CCDC171: variants seen among roughly 807,000 people sequenced by gnomAD.
CCDC171 encodes coiled-coil domain-containing protein 171.
Under a neutral mutation model 168.2 loss-of-function variants are expected in CCDC171, and 177 were observed. That is an observed-to-expected ratio of 1.05 (90% CI 0.93 to 1.19). The LOEUF is 1.19. Ranked by LOEUF, CCDC171 falls within the 50% of genes most tolerant of loss-of-function variation. The pLI, the probability that CCDC171 is intolerant of heterozygous loss-of-function variation, is 0.00. For missense variants in CCDC171, 1,991 were observed against 1,539.0 expected, an observed-to-expected ratio of 1.29 and a Z score of -4.91; for synonymous variants, 687 against 540.8, an observed-to-expected ratio of 1.27 and a Z score of -3.75.
At chr9:15,717,445 T>G (rs1214914846) in intron 11 of CCDC171, among the ~76,000 whole-genome samples, 2 of 152,170 alleles carry the variant, frequency 1.3e-5, no homozygotes, top group Non-Finnish European at 2.9e-5. Flanking sequence ...CCTAGTGCTG[T>G]GCTGGGCTCG....
intron 21 of CCDC171, among the ~76,000 whole-genome samples, chr9:15,800,522 A>G (rs2058772156): frequency 6.6e-6 from 1 of 152,152 alleles, no homozygotes; most frequent in South Asian, 2.1e-4. Flanking sequence ...ATCCCTTGTC[A>G]GATGGACAGT....
At chr9:15,578,429 TA>T in intron 3 of CCDC171, among the ~76,000 whole-genome samples, 3 of 145,850 alleles carry the variant, frequency 2.1e-5, no homozygotes, top group Non-Finnish European at 3.0e-5. Flanking sequence ...TTATTATTAT[TA>T]TTATTATTAT....
chr9:16,037,843 C>T (rs187186731), upstream of CCDC171, among the ~76,000 whole-genome samples: 2 of 151,376 alleles, frequency 1.3e-5, no homozygotes, highest in Non-Finnish European at 2.9e-5. Flanking sequence ...TGAGAATAAG[C>T]GTTTAGAAGT....
chr9:15,870,667 T>C (rs10738417), intron 23 of CCDC171, among the ~76,000 whole-genome samples: 54,577 of 151,512 alleles, frequency 0.36, 12,275 homozygotes, highest in East Asian at 0.62. Context: ...GTGTGTGTTT[T>C]TTTTTTAATT....
At chr9:15,771,303 T>G (rs1011017986) in intron 18 of CCDC171, among the ~76,000 whole-genome samples, 1 of 152,220 alleles carries the variant, frequency 6.6e-6, no homozygotes, top group Non-Finnish European at 1.5e-5. Context: ...TGTTCTTTCA[T>G]GAACAGTGTT....
chr9:15,961,106 T>C (rs1830291334), intron 25 of CCDC171, among the ~76,000 whole-genome samples: 1 of 152,122 alleles, frequency 6.6e-6, no homozygotes, highest in African/African-American at 2.4e-5. Flanking sequence ...GTTAGAAAGG[T>C]TTAGGAAAGT....
At chr9:15,835,965 A>C (rs1267308018) in intron 21 of CCDC171, among the ~76,000 whole-genome samples, 2 of 152,108 alleles carry the variant, frequency 1.3e-5, no homozygotes, top group East Asian at 3.9e-4. Context: ...TTAATTATTA[A>C]ATTATTTTTC....
chr9:15,989,827 A>G (rs944142743), intron 3 of CCDC171, among the ~76,000 whole-genome samples: 1 of 152,180 alleles, frequency 6.6e-6, no homozygotes, highest in African/African-American at 2.4e-5. Flanking sequence ...AAAGGGTATC[A>G]GTGATTGAAG....
intron 21 of CCDC171, among the ~76,000 whole-genome samples, chr9:15,801,334 T>G (rs2058811079): frequency 6.6e-6 from 1 of 152,092 alleles, no homozygotes; most frequent in South Asian, 2.1e-4. Context: ...TTAACTTATT[T>G]GGTTAAGTTA....
chr9:15,687,981 A>G (rs1254343774), intron 10 of CCDC171, among the ~76,000 whole-genome samples: 2 of 151,762 alleles, frequency 1.3e-5, no homozygotes, highest in Non-Finnish European at 2.9e-5. Context: ...TAGCTGGGCA[A>G]GGTGGCGCAT....
At chr9:16,029,210 T>G (rs1833327372) in intron 6 of CCDC171, among the ~76,000 whole-genome samples, 1 of 152,212 alleles carries the variant, frequency 6.6e-6, no homozygotes, top group South Asian at 2.1e-4. Flanking sequence ...GATTTGGGCT[T>G]GTTTTACTTA....
intron 21 of CCDC171, among the ~76,000 whole-genome samples, chr9:15,836,485 C>T (rs2060455866): frequency 1.3e-5 from 2 of 152,192 alleles, no homozygotes. Context: ...CCTGCCTCAG[C>T]CTCCCGAGTA....
intron 25 of CCDC171, among the ~76,000 whole-genome samples, chr9:15,966,166 T>C (rs555699233): frequency 1.3e-5 from 2 of 152,226 alleles, no homozygotes; most frequent in South Asian, 2.1e-4. Flanking sequence ...CATGAAGGAA[T>C]GTAAAAATGA....
intron 10 of CCDC171, among the ~76,000 whole-genome samples, chr9:15,683,305 T>G (rs1442727796): frequency 6.6e-6 from 1 of 152,056 alleles, no homozygotes; most frequent in Non-Finnish European, 1.5e-5. Flanking sequence ...AATATGATTT[T>G]GGAAAGTGCT....
At chr9:15,722,066 T>G (rs893364243) in intron 12 of CCDC171, among the ~76,000 whole-genome samples, 191 bp downstream of exon 12, 1 of 152,232 alleles carries the variant, frequency 6.6e-6, no homozygotes, top group Non-Finnish European at 1.5e-5. Context: ...CTTACGTTTT[T>G]GTAACTCTTC....
At chr9:16,106,720 T>C in the CCDC171 span, among the ~76,000 whole-genome samples, 1 of 152,168 alleles carries the variant, frequency 6.6e-6, no homozygotes, top group East Asian at 1.9e-4. Flanking sequence ...ACATGGCTTA[T>C]CATTTGTATC....
intron 25 of CCDC171, among the ~76,000 whole-genome samples, chr9:15,934,137 A>C (rs374961969): frequency 1.3e-5 from 2 of 151,942 alleles, no homozygotes; most frequent in South Asian, 2.1e-4. Flanking sequence ...TCCATAGAAG[A>C]TATGCAAATG....
chr9:15,591,681 A>AT, intron 5 of CCDC171, 125 bp downstream of exon 5: 3 of 612,796 alleles, frequency 4.9e-6, no homozygotes, highest in East Asian at 3.1e-5. Flanking sequence ...CCTCCCTCCC[A>AT]TTTTTTCTTT....
intron 3 of CCDC171, among the ~76,000 whole-genome samples, chr9:16,019,887 C>T (rs1197142474): frequency 6.6e-6 from 1 of 152,114 alleles, no homozygotes; most frequent in African/African-American, 2.4e-5. Flanking sequence ...GGGAAGTTAT[C>T]AATAGGCTCT....
Sources: allele counts gnomAD v4.1 joint callset (sites outside exome capture counted in the v4.1 genomes callset), GRCh38; gene constraint gnomAD v4.1.1; transcripts MANE v1.5; gene names NCBI Gene and HGNC (gene_info 2026-07-23, HGNC 2026-07-21).